ANKIB1: variants seen among roughly 807,000 people sequenced by gnomAD.
ANKIB1 encodes the protein ankyrin repeat and IBR domain-containing protein 1.
A neutral mutation model predicts 122.1 loss-of-function variants in ANKIB1; 43 were observed. The ratio of observed to expected loss-of-function variants is 0.35; its 90% CI spans 0.28 to 0.45. The LOEUF (loss-of-function observed/expected upper bound fraction) is 0.45, where lower values mean the gene tolerates loss of function less well. ANKIB1 is among the 20% of genes least tolerant of loss of function. The pLI, the probability that ANKIB1 is intolerant of heterozygous loss-of-function variation, is 1.00. For missense variants in ANKIB1, 992 were observed against 1,329.5 expected, an observed-to-expected ratio of 0.75 and a Z score of 3.95; for synonymous variants, 390 against 442.0, an observed-to-expected ratio of 0.88 and a Z score of 1.48.
chr7:92,370,176 G>A (rs987464702), intron 10 of ANKIB1, among the ~76,000 whole-genome samples: 4 of 151,974 alleles, frequency 2.6e-5, no homozygotes, highest in African/African-American at 9.7e-5. Context: ...GATCACTGTG[G>A]GATGGGTGGC....
At chr7:92,309,942 A>AAAAAAAAAAAATATATATATAT (rs1335765681) in intron 3 of ANKIB1, among the ~76,000 whole-genome samples, 3 of 91,784 alleles carry the variant, frequency 3.3e-5, no homozygotes, top group East Asian at 4.6e-4. Flanking sequence ...AAAAAAAAAA[A>AAAAAAAAAAAATATATATATAT]ATATATATAT....
intron 10 of ANKIB1, among the ~76,000 whole-genome samples, chr7:92,363,274 G>A (rs1803992747): frequency 6.6e-6 from 1 of 152,120 alleles, no homozygotes; most frequent in African/African-American, 2.4e-5. Context: ...AGCTGGGCGT[G>A]GTGGCACGTG....
chr7:92,300,331 A>C (rs1802435730), intron 2 of ANKIB1, among the ~76,000 whole-genome samples: 2 of 152,116 alleles, frequency 1.3e-5, no homozygotes. Context: ...ATGTTTTTAC[A>C]ACTTCTACCA....
intron 5 of ANKIB1, among the ~76,000 whole-genome samples, chr7:92,339,648 T>TCTG (rs987701726): frequency 2.6e-5 from 4 of 152,222 alleles, no homozygotes; most frequent in Non-Finnish European, 5.9e-5. Flanking sequence ...AGGTACAAGC[T>TCTG]CTGCCCTTAA....
chr7:92,247,801 T>C (rs114236272), intron 1 of ANKIB1, among the ~76,000 whole-genome samples: 2,587 of 152,344 alleles, frequency 0.017, 69 homozygotes, highest in African/African-American at 0.059. Flanking sequence ...AACTACTGTG[T>C]AGTGTAGACT....
chr7:92,389,419 A>G (rs78520556), intron 14 of ANKIB1, among the ~76,000 whole-genome samples: 1,861 of 152,156 alleles, frequency 0.012, 20 homozygotes, highest in Non-Finnish European at 0.017. Flanking sequence ...TATTAAGGCA[A>G]TTTAGTCTTC....
At chr7:92,359,985 C>T (rs1194865685) in intron 9 of ANKIB1, among the ~76,000 whole-genome samples, 1 of 152,078 alleles carries the variant, frequency 6.6e-6, no homozygotes, top group Non-Finnish European at 1.5e-5. Context: ...TGTAAAACCA[C>T]AATTATGGAA....
intron 10 of ANKIB1, among the ~76,000 whole-genome samples, chr7:92,367,258 GA>G (rs1804108953): frequency 6.6e-6 from 1 of 152,172 alleles, no homozygotes; most frequent in Non-Finnish European, 1.5e-5. Flanking sequence ...TTATTGTTAA[GA>G]AAAGCCTAGG....
chr7:92,302,778 G>A (rs1403326459), intron 2 of ANKIB1, among the ~76,000 whole-genome samples: 1 of 152,128 alleles, frequency 6.6e-6, no homozygotes, highest in Non-Finnish European at 1.5e-5. Flanking sequence ...TTATATTTTA[G>A]GAGCTAAGTT....
At chr7:92,294,814 T>G (rs1241264939) in intron 1 of ANKIB1, 75 bp from the exon 2 acceptor site, 3 of 512,218 alleles carry the variant, frequency 5.9e-6, no homozygotes, top group Non-Finnish European at 9.8e-6. Flanking sequence ...TTTTTTTTAG[T>G]GTTCCTAATT....
Position 92,396,430 on chromosome 7 carries a change from A to G in ANKIB1, c.2349A>G (p.Leu783=). ...GTCGTCGAGGAGATGTTCACAGTCT[A>G]CTCAGTAATCCTCCAGACCCTGATG... ...RQRRRGDVHS[L]LSNPPDPDEP... Residue 783 remains leucine (L), a synonymous_variant, in exon 18 of 20, where the codon CTA becomes CTG. Coordinates refer to ENST00000265742, the MANE Select transcript of ANKIB1 (RefSeq NM_019004.2). The G allele has an allele frequency of 6.3e-7, 1 of 1,597,400 alleles. No individual in the cohort carries two copies. The highest frequency in any genetic ancestry group is 8.5e-7 in the Non-Finnish European group (1 of 1,171,434).
rs1804988882 is a variant in ANKIB1 at position 92,400,277 on chromosome 7, C to CT, written c.*1329dup. ...TTTAGTGTTGAAAAAAATCAACTTCCTAGTTATCAGTGTCTTACTGTGAAG... is the reference window on the plus strand; with the variant it reads ...TTTAGTGTTGAAAAAAATCAACTTCCTTAGTTATCAGTGTCTTACTGTGAAG... On this transcript the variant is annotated 3_prime_UTR_variant, in exon 20 of 20. Transcript: ENST00000265742. The CT allele has an allele frequency of 1.3e-5, 2 of 152,176 alleles. No homozygotes were observed. Among genetic ancestry groups the CT allele is most frequent in the South Asian group, 4.1e-4 (2 of 4,836 alleles). 9.4% of individuals were successfully genotyped at this position (152,176 alleles called of 1,614,324 possible).
chr7:92,262,390 C>T (rs1801584532), intron 1 of ANKIB1, among the ~76,000 whole-genome samples: 1 of 152,028 alleles, frequency 6.6e-6, no homozygotes, highest in Non-Finnish European at 1.5e-5. Flanking sequence ...GGAAAAAAAG[C>T]CTGGGTTCAA....
intron 1 of ANKIB1, among the ~76,000 whole-genome samples, chr7:92,276,852 T>G (rs1801915804): frequency 6.6e-6 from 1 of 152,198 alleles, no homozygotes; most frequent in South Asian, 2.1e-4. Flanking sequence ...CCTGATATGG[T>G]TTGGATCTGT....
At chr7:92,279,823 T>A (rs74930658) in intron 1 of ANKIB1, among the ~76,000 whole-genome samples, 1 of 152,198 alleles carries the variant, frequency 6.6e-6, no homozygotes, top group Non-Finnish European at 1.5e-5. Flanking sequence ...AAGCCTTTTT[T>A]ATCCTGGCAA....
chr7:92,306,637 G>C (rs992965016), intron 2 of ANKIB1, among the ~76,000 whole-genome samples: 1 of 152,068 alleles, frequency 6.6e-6, no homozygotes, highest in Admixed American at 6.6e-5. Context: ...TGAGGAATGA[G>C]CCCTTACCAG....
chr7:92,386,449 G>A lies in ANKIB1; in HGVS notation c.1618-60G>A. 4.1e-6 allele frequency: 6 copies of A among 1,476,088 alleles called. No individual in the cohort carries two copies. In the South Asian group the frequency reaches 7.3e-5, roughly 18 times the overall value. The allele number at this position is 1,476,088 out of a possible 1,614,324, so 91.4% of individuals were successfully genotyped here. A position where few individuals can be genotyped will look rare whatever the true frequency, so the allele number is the denominator to read the frequency against. On this transcript the variant is annotated intron_variant, in intron 11 of 19. Transcript: ENST00000265742. Reference sequence around the variant, plus strand: ...TCTTTACAGATTGGTTGGCTATAAAGCAGAAAATAATTTGCATATTAATAT... The same window carrying A: ...TCTTTACAGATTGGTTGGCTATAAAACAGAAAATAATTTGCATATTAATAT...
chr7:92,289,471 A>G (rs1802202725), intron 1 of ANKIB1, among the ~76,000 whole-genome samples: 1 of 152,244 alleles, frequency 6.6e-6, no homozygotes, highest in Non-Finnish European at 1.5e-5. Context: ...CTGATAAACT[A>G]GATAACAAGC....
chr7:92,279,791 C>T (rs1287882685), intron 1 of ANKIB1, among the ~76,000 whole-genome samples: 1 of 152,154 alleles, frequency 6.6e-6, no homozygotes, highest in East Asian at 1.9e-4. Flanking sequence ...TGTTCCATGT[C>T]CAAGTGACAA....
Sources: gnomAD v4.1 joint callset for allele counts (sites outside exome capture counted in the v4.1 genomes callset) on GRCh38, gnomAD v4.1.1 for gene constraint, MANE v1.5 for transcripts, NCBI Gene and HGNC (gene_info 2026-07-23, HGNC 2026-07-21) for gene names.